Variants in GLDC observed in about 807,000 individuals in gnomAD.
GLDC encodes the protein glycine decarboxylase.
GLDC carries 104 observed loss-of-function variants against 121.3 expected under a neutral mutation model. The ratio of observed to expected loss-of-function variants is 0.86; its 90% CI spans 0.73 to 1.01. The LOEUF is 1.01. GLDC is among the 50% of genes least tolerant of loss of function. The pLI, the probability that GLDC is intolerant of heterozygous loss-of-function variation, is 0.00. For missense variants in GLDC, 1,429 were observed against 1,306.6 expected, an observed-to-expected ratio of 1.09 and a Z score of -1.44; for synonymous variants, 546 against 480.6, an observed-to-expected ratio of 1.14 and a Z score of -1.78.
intron 15 of GLDC, chr9:6,566,446 G>T (rs1230346603): frequency 6.6e-6 from 1 of 152,064 alleles, no homozygotes; most frequent in African/African-American, 2.4e-5. Flanking sequence ...CGAGTCAAGG[G>T]CCTGATCAGC....
At chr9:6,573,733 T>TA (rs1275134973) in intron 15 of GLDC, among the ~76,000 whole-genome samples, 2 of 152,068 alleles carry the variant, frequency 1.3e-5, no homozygotes, top group African/African-American at 4.8e-5. Context: ...AAGAAACCGA[T>TA]ACGGTAAAAA....
At chr9:6,641,934 G>T (rs750698532) in intron 2 of GLDC, among the ~76,000 whole-genome samples, 6 of 152,132 alleles carry the variant, frequency 3.9e-5, no homozygotes, top group Non-Finnish European at 8.8e-5. Context: ...TTGAGTAATG[G>T]TGCTCCACTA....
intron 2 of GLDC, among the ~76,000 whole-genome samples, chr9:6,635,500 T>C (rs1284756795): frequency 6.6e-6 from 1 of 152,156 alleles, no homozygotes; most frequent in African/African-American, 2.4e-5. Context: ...ACTGAATATG[T>C]TTTGAGGTTA....
intron 21 of GLDC, among the ~76,000 whole-genome samples, chr9:6,543,694 G>A (rs1033293226): frequency 6.6e-6 from 1 of 152,230 alleles, no homozygotes; most frequent in African/African-American, 2.4e-5. Flanking sequence ...GTGGCTGTCA[G>A]AAGCCAGATC....
chr9:6,594,900 T>C (rs904434149), intron 9 of GLDC, 114 bp downstream of exon 9: 2 of 758,176 alleles, frequency 2.6e-6, no homozygotes, highest in Non-Finnish European at 2.4e-6. Context: ...TTTTTCCTCG[T>C]TTCTCACTTG....
intron 4 of GLDC, 88 bp downstream of exon 4, chr9:6,610,104 G>GT (rs1273219828): frequency 9.8e-6 from 10 of 1,019,790 alleles, no homozygotes; most frequent in Admixed American, 2.1e-5. Context: ...GCTGACTAAA[G>GT]TAATATTCAC....
chr9:6,578,154 GCT>G (rs1326832898), intron 15 of GLDC, among the ~76,000 whole-genome samples: 1 of 151,588 alleles, frequency 6.6e-6, no homozygotes, highest in Non-Finnish European at 1.5e-5. Flanking sequence ...ACAGGATCTT[GCT>G]CTGTCACAGG....
In GLDC at chr9:6,533,022, A is replaced by T. The variant is rs533019569; in HGVS notation, c.3058T>A (p.Ser1020Thr). 1.2e-6 allele frequency: 2 copies of T among 1,608,308 alleles called. No homozygotes were observed. Among genetic ancestry groups the T allele is most frequent in the South Asian group, 2.2e-5 (2 of 90,924 alleles). Reference sequence around the variant, plus strand: ...TTAAACTTAGGGACAGAGGACTAAGAAGACGCCCTCTTTTGTTCAGAAAAT... The same window carrying T: ...TTAAACTTAGGGACAGAGGACTAAGTAGACGCCCTCTTTTGTTCAGAAAAT... The part of the protein sequence containing the change: ...SPFSEQKRAS[S>T] The change falls in exon 25 of 25, where the codon TCT becomes ACT. Residue 1020 changes from serine (S) to threonine (T), a missense_variant. Transcript: ENST00000321612.
intron 4 of GLDC, among the ~76,000 whole-genome samples, chr9:6,608,989 T>C: frequency 6.6e-6 from 1 of 152,016 alleles, no homozygotes; most frequent in East Asian, 1.9e-4. Context: ...CCTCTAAACT[T>C]GCTGACCAAG....
intron 11 of GLDC, chr9:6,591,873 G>C (rs1318700513): frequency 3.1e-6 from 1 of 320,248 alleles, no homozygotes; most frequent in African/African-American, 2.2e-5. Context: ...TTACAGGCAT[G>C]AGCCACCATC....
intron 15 of GLDC, among the ~76,000 whole-genome samples, chr9:6,577,870 A>G (rs577432092): frequency 2.6e-5 from 4 of 150,944 alleles, no homozygotes; most frequent in Non-Finnish European, 4.4e-5. Context: ...TTTGAGCTTA[A>G]TGTACTTCTT....
At chr9:6,533,488 AT>A (rs777881962) in intron 24 of GLDC, among the ~76,000 whole-genome samples, 2 of 152,170 alleles carry the variant, frequency 1.3e-5, no homozygotes, top group African/African-American at 2.4e-5. Context: ...AAGTTTGGAT[AT>A]TTAGCTGACC....
chr9:6,641,227 C>G (rs979238871), intron 2 of GLDC, among the ~76,000 whole-genome samples: 8 of 152,210 alleles, frequency 5.3e-5, no homozygotes, highest in Non-Finnish European at 1.0e-4. Context: ...CAGCCTCCCC[C>G]AGATTTATCT....
chr9:6,550,962 G>A (rs376589362), intron 20 of GLDC, 48 bp from the exon 21 acceptor site: 384 of 1,236,896 alleles, frequency 3.1e-4, no homozygotes, highest in African/African-American at 2.5e-3. Context: ...AGGCAAACAC[G>A]AATGTGAAGA....
chr9:6,565,545 C>G (rs993849474), intron 15 of GLDC, 116 bp from the exon 16 acceptor site: 31 of 799,186 alleles, frequency 3.9e-5, no homozygotes, highest in Non-Finnish European at 6.0e-5. Flanking sequence ...TGGTCACTGT[C>G]CAGACGCTGA....
intron 3 of GLDC, among the ~76,000 whole-genome samples, chr9:6,618,759 T>C (rs1819015979): frequency 1.3e-5 from 2 of 151,810 alleles, no homozygotes; most frequent in Admixed American, 1.3e-4. Context: ...CAGACATGGA[T>C]GGACAGACAC....
intron 3 of GLDC, among the ~76,000 whole-genome samples, chr9:6,619,626 G>T: frequency 6.6e-6 from 1 of 152,188 alleles, no homozygotes; most frequent in East Asian, 1.9e-4. Context: ...TACTTGGGAG[G>T]CTGAGGCAGA....
At chr9:6,602,928 A>G (rs983760761) in intron 7 of GLDC, among the ~76,000 whole-genome samples, 1 of 152,174 alleles carries the variant, frequency 6.6e-6, no homozygotes, top group African/African-American at 2.4e-5. Flanking sequence ...AACAATTAAA[A>G]ATCACACAAA....
chr9:6,614,492 C>A (rs1818929206), intron 3 of GLDC, among the ~76,000 whole-genome samples: 1 of 152,056 alleles, frequency 6.6e-6, no homozygotes, highest in South Asian at 2.1e-4. Flanking sequence ...ACCTCAGCCT[C>A]CCAAAATGTT....
Sources: gnomAD v4.1 joint callset for allele counts (sites outside exome capture counted in the v4.1 genomes callset) on GRCh38, gnomAD v4.1.1 for gene constraint, MANE v1.5 for transcripts, NCBI Gene and HGNC (gene_info 2026-07-23, HGNC 2026-07-21) for gene names.